ZCCHC4: variants seen among roughly 807,000 people sequenced by gnomAD.
ZCCHC4 encodes the protein rRNA N(6)-adenosine-methyltransferase ZCCHC4.
Under a neutral mutation model 67.7 loss-of-function variants are expected in ZCCHC4, and 54 were observed. That is an observed-to-expected ratio of 0.80 (90% CI 0.64 to 1.00). The LOEUF (loss-of-function observed/expected upper bound fraction) is 1.00. Ranked by LOEUF, ZCCHC4 falls within the 50% of genes least tolerant of loss-of-function variation. The pLI is 0.00. For missense variants in ZCCHC4, 609 were observed against 617.0 expected (o/e 0.99, Z 0.14); for synonymous variants, 198 against 213.5 (o/e 0.93, Z 0.63).
chr4:25,332,233 G>A (rs1331019105), intron 3 of ZCCHC4, among the ~76,000 whole-genome samples: 7 of 149,800 alleles, frequency 4.7e-5, no homozygotes, highest in Admixed American at 2.0e-4. Context: ...ACTTGAACCC[G>A]AGAGGTGGAG....
intron 5 of ZCCHC4, among the ~76,000 whole-genome samples, chr4:25,338,239 G>A (rs1056562418): frequency 1.3e-5 from 2 of 152,080 alleles, no homozygotes; most frequent in African/African-American, 2.4e-5. Context: ...GACCACAGGC[G>A]TGTGCCACCA....
intron 3 of ZCCHC4, among the ~76,000 whole-genome samples, chr4:25,326,507 TTA>T (rs755193349): frequency 6.6e-6 from 1 of 152,148 alleles, no homozygotes; most frequent in Non-Finnish European, 1.5e-5. Flanking sequence ...TCAGTTAACT[TTA>T]TATGTGTTTT....
At chr4:25,351,421 G>C (rs1240051478) in intron 7 of ZCCHC4, among the ~76,000 whole-genome samples, 168 bp from the exon 8 acceptor site, 2 of 152,090 alleles carry the variant, frequency 1.3e-5, no homozygotes, top group Non-Finnish European at 2.9e-5. Flanking sequence ...ACTGACCTTT[G>C]GGAATAGACA....
chr4:25,366,179 T>C (rs1443588156), intron 12 of ZCCHC4: 10 of 982,202 alleles, frequency 1.0e-5, no homozygotes, highest in Non-Finnish European at 1.2e-5. Context: ...CATTGTGGTC[T>C]AGCCACTTGA....
intron 3 of ZCCHC4, among the ~76,000 whole-genome samples, chr4:25,331,160 C>T (rs1193233149): frequency 6.6e-6 from 1 of 152,206 alleles, no homozygotes; most frequent in African/African-American, 2.4e-5. Flanking sequence ...CTGTTCCCTT[C>T]CCTCGGGGTT....
At chr4:25,340,775 T>G (rs993889033) in intron 5 of ZCCHC4, among the ~76,000 whole-genome samples, 1 of 152,208 alleles carries the variant, frequency 6.6e-6, no homozygotes, top group Admixed American at 6.5e-5. Context: ...GTTTTCTGAA[T>G]TTTATTTTGT....
At chr4:25,314,188 AT>A (rs1199670736) in intron 2 of ZCCHC4, 24 bp downstream of exon 2, 1 of 1,497,742 alleles carries the variant, frequency 6.7e-7, no homozygotes, top group Non-Finnish European at 9.2e-7. Context: ...TTGGATATTT[AT>A]TTTTTATTTT....
At chr4:25,350,330 G>C (rs1425028452) in intron 7 of ZCCHC4, among the ~76,000 whole-genome samples, 1 of 136,954 alleles carries the variant, frequency 7.3e-6, no homozygotes, top group Non-Finnish European at 1.5e-5. Context: ...GTACAATCTC[G>C]GCTCACTGCA....
intron 3 of ZCCHC4, among the ~76,000 whole-genome samples, chr4:25,325,914 G>T (rs1256276864): frequency 6.6e-6 from 1 of 152,060 alleles, no homozygotes; most frequent in Non-Finnish European, 1.5e-5. Context: ...TCTGCTGTGG[G>T]ATTAGAGAGA....
intron 3 of ZCCHC4, among the ~76,000 whole-genome samples, chr4:25,331,483 T>C (rs1719179400): frequency 6.6e-6 from 1 of 152,080 alleles, no homozygotes; most frequent in African/African-American, 2.4e-5. Flanking sequence ...TTTTAAAATT[T>C]TTTGTAGAGA....
rs1160256100 is a variant in ZCCHC4 at position 25,323,712 on chromosome 4, A to T, written c.329+8312A>T. 2.0e-5 allele frequency among the ~76,000 whole-genome samples: 3 copies of T among 152,298 alleles called. No homozygotes were observed. The East Asian group carries it at 5.8e-4, about 29-fold the overall frequency. ...TATGGGGATCATTAGTGGAAAATTC[A>T]CTTTTCCCCCATCATTTTTACCTTT... On this transcript the variant is annotated intron_variant, in intron 3 of 12. Coordinates refer to ENST00000302874, the MANE Select transcript of ZCCHC4 (RefSeq NM_024936.3).
intron 6 of ZCCHC4, among the ~76,000 whole-genome samples, chr4:25,348,036 G>A (rs1248506954): frequency 2.0e-5 from 3 of 152,194 alleles, no homozygotes; most frequent in East Asian, 3.9e-4. Context: ...TTAAAGTTAG[G>A]TTAGGAGTTA....
intron 3 of ZCCHC4, among the ~76,000 whole-genome samples, chr4:25,330,772 A>G (rs1279010966): frequency 1.3e-5 from 2 of 151,874 alleles, no homozygotes; most frequent in Non-Finnish European, 2.9e-5. Flanking sequence ...AGGCATTTCC[A>G]CTCTGGCTTG....
chr4:25,344,774 C>T (rs887355425), intron 5 of ZCCHC4, among the ~76,000 whole-genome samples: 1 of 150,696 alleles, frequency 6.6e-6, no homozygotes, highest in Non-Finnish European at 1.5e-5. Context: ...ATTAAGCTAG[C>T]CTGCGTTAGA....
chr4:25,356,652 A>T (rs938112392), intron 8 of ZCCHC4, among the ~76,000 whole-genome samples: 1 of 151,974 alleles, frequency 6.6e-6, no homozygotes, highest in African/African-American at 2.4e-5. Context: ...CCAACATTTG[A>T]AAAGCTTCAT....
At position 25,326,830 on chromosome 4, in the gene ZCCHC4, G is replaced by GT. The variant is rs138371491; in HGVS notation, c.330-6352dup. ...GAGTTTTCTAGTCTGTGACTGTGGT[G>GT]TATCTCTTCAGTTACTAAGTCATCT... is the stretch of plus-strand genomic sequence containing the variant. On this transcript the variant is annotated intron_variant, in intron 3 of 12. Transcript: ENST00000302874. Among the ~76,000 whole-genome samples the GT allele has an allele frequency of 1.2e-3, 184 of 152,218 alleles. 2 individuals are homozygous for GT. Among genetic ancestry groups the GT allele is most frequent in the African/African-American group, 4.4e-3 (184 of 41,546 alleles).
intron 8 of ZCCHC4, among the ~76,000 whole-genome samples, chr4:25,354,698 G>A (rs1335464540): frequency 1.3e-5 from 2 of 151,328 alleles, no homozygotes; most frequent in East Asian, 3.9e-4. Context: ...GGATCTCTCT[G>A]TGTTGCCCAG....
At chr4:25,318,294 G>A (rs1718379163) in intron 3 of ZCCHC4, among the ~76,000 whole-genome samples, 1 of 130,490 alleles carries the variant, frequency 7.7e-6, no homozygotes, top group South Asian at 2.6e-4. Context: ...TTTATGCATA[G>A]TAAAATTTTA....
chr4:25,316,242 G>A (rs541222688), intron 3 of ZCCHC4, among the ~76,000 whole-genome samples: 4 of 152,154 alleles, frequency 2.6e-5, no homozygotes, highest in Non-Finnish European at 5.9e-5. Context: ...GGACACTTGG[G>A]CTGTGTCTAC....
Sources: gnomAD v4.1 joint callset for allele counts (sites outside exome capture counted in the v4.1 genomes callset) on GRCh38, gnomAD v4.1.1 for gene constraint, MANE v1.5 for transcripts, NCBI Gene and HGNC (gene_info 2026-07-23, HGNC 2026-07-21) for gene names.